Variants in ZBTB25 observed in about 807,000 individuals in gnomAD.
The protein encoded by ZBTB25 is zinc finger and BTB domain containing 25.
Under a neutral mutation model 34.2 loss-of-function variants are expected in ZBTB25, and 20 were observed. The observed-to-expected ratio is 0.58, with a 90% CI of 0.41 to 0.85. The LOEUF is 0.85. Ranked by LOEUF, ZBTB25 falls within the 40% of genes least tolerant of loss-of-function variation. The probability of loss-of-function intolerance (pLI) is 0.00; values close to 1 mark genes in which losing one functional copy is unlikely to be tolerated. For missense variants in ZBTB25, 437 were observed against 521.8 expected, an observed-to-expected ratio of 0.84 and a Z score of 1.58; for synonymous variants, 175 against 186.4, an observed-to-expected ratio of 0.94 and a Z score of 0.50.
rs2078615254 is a variant in ZBTB25 at position 64,466,534 on chromosome 14, G to GTA, written c.174-16897_174-16896insTA. ...GAAGATTTAAACAGTTATCAGCTTA[G>GTA]GTTCTAGTGCTCACTGAAACATTGT... On this transcript the variant is annotated intron_variant, in intron 2 of 2. Transcript: ENST00000555220. Among the ~76,000 whole-genome samples, 5 of 152,218 alleles carry GTA rather than the reference G, an allele frequency of 3.3e-5. No individual in the cohort carries two copies. In the South Asian group the frequency reaches 1.0e-3, roughly 32 times the overall value.
intron 2 of ZBTB25, among the ~76,000 whole-genome samples, chr14:64,464,170 T>G: frequency 6.6e-6 from 1 of 151,244 alleles, no homozygotes; most frequent in Non-Finnish European, 1.5e-5. Context: ...AGCTCCTGAG[T>G]AACTGGGACC....
intron 2 of ZBTB25, among the ~76,000 whole-genome samples, 172 bp downstream of exon 2, chr14:64,490,189 C>T (rs1236699723): frequency 1.7e-5 from 2 of 114,788 alleles, no homozygotes; most frequent in African/African-American, 4.0e-5. Flanking sequence ...GCCTGGGTGA[C>T]AGAGCAAGAC....
rs955947263 is a variant in ZBTB25, at chr14:64,487,194, T to C, written c.1037A>G (p.Lys346Arg). 1 of 1,614,116 alleles carries C rather than the reference T, an allele frequency of 6.2e-7. No individual in the cohort carries two copies. The highest frequency in any genetic ancestry group is 8.5e-7 in the Non-Finnish European group (1 of 1,179,998). Residue 346 changes from lysine to arginine, a missense_variant, in exon 3 of 3, where the codon AAA (lysine) becomes AGA (arginine). By Grantham distance (26) the Lys-to-Arg change is conservative. Transcript: ENST00000608382. ...ELNCNFSFSR[K>R]RKMSCTICGH... is the part of the protein sequence containing the mutation. The stretch of plus-strand genomic sequence containing the variant: ...ACAGATGGTACAGCTCATTTTTCTT[T>C]TCCTTGAAAAAGAAAAATTACAGTT...
At chr14:64,503,103 G>T in intron 1 of ZBTB25, 1 of 985,528 alleles carries the variant, frequency 1.0e-6, no homozygotes, top group Non-Finnish European at 1.2e-6. Context: ...GAGTGCCAGA[G>T]AAGACGGTGA....
chr14:64,471,553 AT>A (rs2141006069), intron 2 of ZBTB25: 1 of 167,228 alleles, frequency 6.0e-6, no homozygotes, highest in East Asian at 1.9e-4. Flanking sequence ...CTCATCAATG[AT>A]TGCCATATTT....
At chr14:64,454,979 C>T in intron 2 of ZBTB25, 1 of 1,231,086 alleles carries the variant, frequency 8.1e-7, no homozygotes, top group Non-Finnish European at 1.2e-6. Context: ...GTTCACTGCC[C>T]AGAAGAAAAT....
downstream of ZBTB25, among the ~76,000 whole-genome samples, chr14:64,474,796 T>C (rs1273212562): frequency 6.6e-6 from 1 of 152,276 alleles, no homozygotes; most frequent in Non-Finnish European, 1.5e-5. Flanking sequence ...CATTATTTTC[T>C]GCATTAACCT....
intron 2 of ZBTB25, among the ~76,000 whole-genome samples, chr14:64,459,179 C>A (rs2078523220): frequency 1.3e-5 from 2 of 152,172 alleles, no homozygotes; most frequent in Non-Finnish European, 2.9e-5. Context: ...CACCCCACAT[C>A]TCTTCCTAAG....
rs779699860 is a variant in ZBTB25, at chr14:64,487,781, A to G, written c.450T>C (p.Ala150=). 3 of 1,613,992 alleles carry G rather than the reference A, an allele frequency of 1.9e-6. No homozygotes were observed. Among genetic ancestry groups the G allele is most frequent in the African/African-American group, 2.7e-5 (2 of 74,892 alleles). ...VVKQGLEVKE[A]PSSNSGNRAA... is the part of the protein sequence containing the mutation. Reference sequence around the variant, plus strand: ...CTCTGTTTCCACTGTTACTGGAAGGAGCTTCTTTGACCTCCAGTCCTTGTT... The same window carrying G: ...CTCTGTTTCCACTGTTACTGGAAGGGGCTTCTTTGACCTCCAGTCCTTGTT... The change falls in exon 3 of 3, where the codon GCT becomes GCC. Residue 150 remains alanine (A), a synonymous_variant. Coordinates refer to ENST00000608382, the MANE Select transcript of ZBTB25 (RefSeq NM_006977.5).
intron 1 of ZBTB25, among the ~76,000 whole-genome samples, chr14:64,498,681 T>C (rs1318777900): frequency 6.6e-6 from 1 of 152,052 alleles, no homozygotes; most frequent in African/African-American, 2.4e-5. Flanking sequence ...TTGCCCAGGC[T>C]GGAGTGCAGT....
chr14:64,503,144 C>G lies in ZBTB25; in HGVS notation c.-8+517G>C, dbSNP rs140177277. The G allele has an allele frequency of 8.0e-5, 79 of 985,450 alleles. No individual in the cohort carries two copies. In the African/African-American group the frequency reaches 1.3e-3, roughly 16 times the overall value. 61.0% of individuals were successfully genotyped at this position (985,450 alleles called of 1,614,324 possible). A position where few individuals can be genotyped will look rare whatever the true frequency, so the allele number is the denominator to read the frequency against. ...TGGGTCAAGCTTCAAAAAGAAAAAC[C>G]GGATATGCTTAGAACAAGATAAACA... On this transcript the variant is annotated intron_variant, in intron 1 of 2. Transcript: ENST00000608382.
rs2079576534 is a variant in ZBTB25 at position 64,503,720 on chromosome 14, C to A, written c.-67G>T. On this transcript the variant is annotated 5_prime_UTR_variant, in exon 1 of 3. Coordinates refer to ENST00000608382, the MANE Select transcript of ZBTB25 (RefSeq NM_006977.5). ...GTGCAGGAGGGGCGGGCTCCCAAGC[C>A]GCGCACTGCAAGCAGTGGCGCCGGC... 3.3e-6 allele frequency: 2 copies of A among 603,662 alleles called. No homozygotes were observed. Among genetic ancestry groups the A allele is most frequent in the South Asian group, 7.2e-5 (1 of 13,806 alleles). 37.4% of individuals were successfully genotyped at this position (603,662 alleles called of 1,614,324 possible).
At chr14:64,458,759 G>A (rs2078515863) in intron 2 of ZBTB25, 1 of 207,122 alleles carries the variant, frequency 4.8e-6, no homozygotes, top group African/African-American at 2.3e-5. Flanking sequence ...AAGGAAACAG[G>A]ACCAATCTGG....
chr14:64,458,440 G>C, intron 2 of ZBTB25: 1 of 732,088 alleles, frequency 1.4e-6, no homozygotes, highest in African/African-American at 1.7e-5. Flanking sequence ...CTTCCCTGAG[G>C]GGAGAGGGGA....
At chr14:64,470,093 A>C (rs2078652450) in intron 2 of ZBTB25, 1 of 169,446 alleles carries the variant, frequency 5.9e-6, no homozygotes, top group African/African-American at 2.4e-5. Flanking sequence ...AGTTTTTAAA[A>C]ACTTATTTTT....
intron 1 of ZBTB25, among the ~76,000 whole-genome samples, chr14:64,491,292 G>A (rs927325593): frequency 6.6e-6 from 1 of 152,072 alleles, no homozygotes; most frequent in Admixed American, 6.5e-5. Context: ...ATAGTGAAAC[G>A]TCATCTCCAC....
At position 64,487,907 on chromosome 14, in the gene ZBTB25, A is replaced by C. The variant is rs138670155; in HGVS notation, c.324T>G (p.Ser108=). Residue 108 remains serine, a synonymous_variant, in exon 3 of 3, where the codon TCT becomes TCG. Coordinates refer to ENST00000608382, the MANE Select transcript of ZBTB25 (RefSeq NM_006977.5). ...GIRFLHADYL[S]HIATEMNQVF... Reference sequence around the variant, plus strand: ...CTTGATTCATTTCAGTTGCAATGTGAGAAAGGTAGTCGGCGTGAAGAAATC... The same window carrying C: ...CTTGATTCATTTCAGTTGCAATGTGCGAAAGGTAGTCGGCGTGAAGAAATC... The C allele has an allele frequency of 6.2e-7, 1 of 1,614,086 alleles. No individual in the cohort carries two copies. Among genetic ancestry groups the C allele is most frequent in the Admixed American group, 1.7e-5 (1 of 60,000 alleles).
chr14:64,500,261 T>C (rs1044146550), intron 1 of ZBTB25, among the ~76,000 whole-genome samples: 3 of 152,068 alleles, frequency 2.0e-5, no homozygotes, highest in Admixed American at 2.0e-4. Context: ...AAACCAATAC[T>C]TCTTTCGCAA....
Position 64,487,371 on chromosome 14 carries a change from T to A in ZBTB25, c.860A>T (p.Glu287Val). ...NDLGEVHPLN[E>V]NSEALECRRL... is the part of the protein sequence containing the mutation. ...GCGGCATTCAAGGGCCTCGCTGTTTTCATTAAGGGGATGCACTTCACCAAG... is the reference window on the plus strand; with the variant it reads ...GCGGCATTCAAGGGCCTCGCTGTTTACATTAAGGGGATGCACTTCACCAAG... Residue 287 changes from glutamate (E) to valine (V), a missense_variant, in exon 3 of 3, where the codon GAA becomes GTA. Transcript: ENST00000608382. 1 of 1,614,168 alleles carries A rather than the reference T, an allele frequency of 6.2e-7. No homozygotes were observed. Among genetic ancestry groups the A allele is most frequent in the Non-Finnish European group, 8.5e-7 (1 of 1,180,022 alleles).
Sources: gnomAD v4.1 joint callset for allele counts (sites outside exome capture counted in the v4.1 genomes callset) on GRCh38, gnomAD v4.1.1 for gene constraint, MANE v1.5 for transcripts, NCBI Gene and HGNC (gene_info 2026-07-23, HGNC 2026-07-21) for gene names.